Variants in ADGRL2 observed in about 807,000 individuals in gnomAD.
ADGRL2 encodes calcium-independent alpha-latrotoxin receptor 2.
In ADGRL2, 44 loss-of-function variants were observed where a neutral mutation model predicts 157.4. The ratio of observed to expected loss-of-function variants is 0.28; its 90% CI spans 0.22 to 0.36. ADGRL2 has a LOEUF of 0.36. ADGRL2 is among the 10% of genes least tolerant of loss of function. ADGRL2 has a pLI of 1.00. For synonymous variants in ADGRL2, 585 were observed against 624.7 expected, an observed-to-expected ratio of 0.94 and a Z score of 0.95; for missense variants, 1,510 against 1,768.9, an observed-to-expected ratio of 0.85 and a Z score of 2.63.
chr1:81,625,672 T>G (rs1289424189), intron 3 of ADGRL2: 7 of 152,186 alleles, frequency 4.6e-5, no homozygotes, highest in Admixed American at 4.6e-4. Context: ...GAAGAGACAT[T>G]TCCAATATGC....
At chr1:81,561,785 C>T (rs971584227) in intron 2 of ADGRL2, among the ~76,000 whole-genome samples, 1 of 151,980 alleles carries the variant, frequency 6.6e-6, no homozygotes, top group South Asian at 2.1e-4. Context: ...AATCATTTTG[C>T]ACTGATATCA....
chr1:81,430,443 AGAG>A (rs1267154352), intron 1 of ADGRL2, among the ~76,000 whole-genome samples: 1 of 152,114 alleles, frequency 6.6e-6, no homozygotes, highest in Admixed American at 6.5e-5. Flanking sequence ...GTTTCCAGTT[AGAG>A]GATGGGATTG....
chr1:81,449,007 T>C (rs1229610311), intron 2 of ADGRL2, among the ~76,000 whole-genome samples: 2 of 152,222 alleles, frequency 1.3e-5, no homozygotes, highest in African/African-American at 4.8e-5. Flanking sequence ...AGAAAAAGTA[T>C]ACATATATGT....
chr1:81,874,516 A>G (rs917438882), intron 2 of ADGRL2, among the ~76,000 whole-genome samples: 1 of 152,062 alleles, frequency 6.6e-6, no homozygotes, highest in South Asian at 2.1e-4. Flanking sequence ...GATAAAGCTG[A>G]AAGTGTATCC....
intron 1 of ADGRL2, among the ~76,000 whole-genome samples, chr1:81,382,130 C>T (rs191785546): frequency 2.8e-4 from 43 of 152,184 alleles, no homozygotes; most frequent in African/African-American, 8.9e-4. Flanking sequence ...TTAAGCATAG[C>T]GTGGCATACA....
At position 81,534,821 on chromosome 1, in the gene ADGRL2, G is replaced by A. The variant is rs982262295; in HGVS notation, c.-247-46055G>A. Among the ~76,000 whole-genome samples the A allele has an allele frequency of 4.6e-5, 7 of 152,066 alleles. 1 individual carries two copies. The highest frequency in any genetic ancestry group is 4.6e-4 in the Admixed American group (7 of 15,272). ...TTATGTCTGAGACTATTTGGTGGCT[G>A]GTAAGAACAGAATAATGCCACTATT... On this transcript the variant is annotated intron_variant, in intron 2 of 24. Coordinates refer to the ADGRL2 transcript ENST00000370721.
intron 2 of ADGRL2, among the ~76,000 whole-genome samples, chr1:81,762,696 G>A (rs1193503871): frequency 6.6e-6 from 1 of 152,072 alleles, no homozygotes; most frequent in Non-Finnish European, 1.5e-5. Flanking sequence ...ATTACATGTT[G>A]TGTGCATGTG....
chr1:81,978,668 A>T (rs1199484371), intron 17 of ADGRL2, among the ~76,000 whole-genome samples: 1 of 151,740 alleles, frequency 6.6e-6, no homozygotes, highest in African/African-American at 2.4e-5. Flanking sequence ...GGAAATTTTT[A>T]TTTATTGCCC....
chr1:81,979,284 GA>G lies in ADGRL2; in HGVS notation c.3022-577del. On this transcript the variant is annotated intron_variant, in intron 17 of 23. Coordinates refer to ENST00000686636, the MANE Select transcript of ADGRL2 (RefSeq NM_001366006.2). ...TACTTCCTTACAATACAGAGACATA[GA>G]AAAAAAAGACTGATGATGGCTTTTA... is the stretch of plus-strand genomic sequence containing the variant. Among the ~76,000 whole-genome samples, 4 of 151,432 alleles carry G rather than the reference GA, an allele frequency of 2.6e-5. No individual in the cohort carries two copies. The South Asian group carries it at 8.3e-4, about 31-fold the overall frequency.
At chr1:81,897,316 A>C (rs1389623011) in intron 2 of ADGRL2, among the ~76,000 whole-genome samples, 1 of 152,148 alleles carries the variant, frequency 6.6e-6, no homozygotes, top group Non-Finnish European at 1.5e-5. Context: ...AATCGGAATT[A>C]AAGTATTCTG....
chr1:81,315,342 A>G (rs1353047397), intron 1 of ADGRL2, among the ~76,000 whole-genome samples: 1 of 152,062 alleles, frequency 6.6e-6, no homozygotes, highest in Admixed American at 6.5e-5. Context: ...TAAAAAAAAA[A>G]TCACATCCAG....
chr1:81,950,617 T>C (rs1557982361), intron 7 of ADGRL2, 135 bp downstream of exon 7: 1 of 828,852 alleles, frequency 1.2e-6, no homozygotes, highest in South Asian at 1.8e-5. Flanking sequence ...TAATATAACA[T>C]CTATGGACAA....
At chr1:81,544,044 A>G (rs2079954184) in intron 2 of ADGRL2, among the ~76,000 whole-genome samples, 1 of 152,052 alleles carries the variant, frequency 6.6e-6, no homozygotes, top group Non-Finnish European at 1.5e-5. Flanking sequence ...ACCCGCTCTC[A>G]CCAACCCACC....
intron 1 of ADGRL2, among the ~76,000 whole-genome samples, chr1:81,336,805 G>GTCCTT (rs1177050110): frequency 1.3e-5 from 2 of 152,150 alleles, no homozygotes; most frequent in African/African-American, 4.8e-5. Context: ...GTGGCCCAAA[G>GTCCTT]TGAGAACTTT....
chr1:81,431,709 C>T (rs1037020371), intron 1 of ADGRL2, among the ~76,000 whole-genome samples: 1 of 152,182 alleles, frequency 6.6e-6, no homozygotes, highest in Non-Finnish European at 1.5e-5. Flanking sequence ...TTCCAGCACT[C>T]AAATTGCCTG....
At chr1:81,473,758 T>C (rs1217367891) in intron 2 of ADGRL2, among the ~76,000 whole-genome samples, 2 of 152,042 alleles carry the variant, frequency 1.3e-5, no homozygotes, top group African/African-American at 4.8e-5. Flanking sequence ...CAGCATCTTA[T>C]TTCCACTGGG....
At chr1:81,734,071 G>A (rs2084815112) in intron 1 of ADGRL2, among the ~76,000 whole-genome samples, 2 of 152,074 alleles carry the variant, frequency 1.3e-5, no homozygotes, top group African/African-American at 2.4e-5. Context: ...GAGGTCGGGA[G>A]TTCGAGACCA....
chr1:81,859,259 T>C (rs1233409639), intron 2 of ADGRL2, among the ~76,000 whole-genome samples: 1 of 152,112 alleles, frequency 6.6e-6, no homozygotes, highest in Non-Finnish European at 1.5e-5. Flanking sequence ...TGAAAAGAAA[T>C]AGTGTTGTTT....
At chr1:81,989,358 A>G (rs1664091215) in intron 23 of ADGRL2, among the ~76,000 whole-genome samples, 1 of 152,120 alleles carries the variant, frequency 6.6e-6, no homozygotes, top group Non-Finnish European at 1.5e-5. Context: ...CTCCATGGCC[A>G]TGGTGTCTGT....
Sources: allele counts gnomAD v4.1 joint callset (sites outside exome capture counted in the v4.1 genomes callset), GRCh38; gene constraint gnomAD v4.1.1; transcripts MANE v1.5; gene names NCBI Gene and HGNC (gene_info 2026-07-23, HGNC 2026-07-21).